CAMK2D: variants seen among roughly 807,000 people sequenced by gnomAD.
CAMK2D encodes the protein calcium/calmodulin dependent protein kinase II delta, also known as calcium/calmodulin-dependent protein kinase type II subunit delta.
In CAMK2D, 37 loss-of-function variants were observed where a neutral mutation model predicts 84.0. The ratio of observed to expected loss-of-function variants is 0.44; its 90% CI spans 0.34 to 0.58. The LOEUF (loss-of-function observed/expected upper bound fraction) is 0.58. Among genes scored for constraint, CAMK2D ranks in the 20% least tolerant of loss-of-function variants. The pLI, the probability that CAMK2D is intolerant of heterozygous loss-of-function variation, is 0.02. For synonymous variants in CAMK2D, 202 were observed against 212.5 expected, an observed-to-expected ratio of 0.95 and a Z score of 0.43; for missense variants, 448 against 652.5, an observed-to-expected ratio of 0.69 and a Z score of 3.41.
chr4:113,484,133 T>C (rs1010324939), intron 16 of CAMK2D, among the ~76,000 whole-genome samples: 2 of 152,154 alleles, frequency 1.3e-5, no homozygotes, highest in Non-Finnish European at 2.9e-5. Flanking sequence ...TATATACCCA[T>C]TCTATCCAAA....
chr4:113,691,307 T>C (rs2099386369), intron 2 of CAMK2D, among the ~76,000 whole-genome samples: 2 of 152,224 alleles, frequency 1.3e-5, no homozygotes, highest in South Asian at 4.1e-4. Flanking sequence ...CATGAAGGTA[T>C]ATACTTTAGA....
chr4:113,754,942 C>T, intron 2 of CAMK2D: 1 of 984,346 alleles, frequency 1.0e-6, no homozygotes, highest in Non-Finnish European at 1.2e-6. Flanking sequence ...TGCCAAGAAA[C>T]CTTCAAATTT....
chr4:113,675,185 C>T (rs1328701797), intron 2 of CAMK2D, among the ~76,000 whole-genome samples: 1 of 152,112 alleles, frequency 6.6e-6, no homozygotes, highest in African/African-American at 2.4e-5. Context: ...CATTGTAAAA[C>T]ATGATAGATT....
intron 2 of CAMK2D, among the ~76,000 whole-genome samples, chr4:113,752,288 T>A (rs1197091079): frequency 6.6e-6 from 1 of 151,860 alleles, no homozygotes; most frequent in Admixed American, 6.6e-5. Flanking sequence ...TCCTATGTAA[T>A]CAATGTAACT....
intron 14 of CAMK2D, chr4:113,503,431 G>A: frequency 5.6e-6 from 2 of 354,430 alleles, no homozygotes; most frequent in Non-Finnish European, 1.1e-5. Flanking sequence ...CGATTATGGT[G>A]TCATTAATTA....
At chr4:113,683,550 T>G (rs1248245237) in intron 2 of CAMK2D, among the ~76,000 whole-genome samples, 1 of 152,100 alleles carries the variant, frequency 6.6e-6, no homozygotes, top group Non-Finnish European at 1.5e-5. Flanking sequence ...GAAAATACAA[T>G]TTTACAACAA....
chr4:113,759,119 T>A (rs2099635118), intron 2 of CAMK2D: 1 of 339,028 alleles, frequency 2.9e-6, no homozygotes, highest in Non-Finnish European at 5.3e-6. Context: ...TAGCAATGTA[T>A]CAAATAATAA....
intron 2 of CAMK2D, among the ~76,000 whole-genome samples, chr4:113,757,839 G>A (rs976708068): frequency 5.9e-5 from 9 of 152,120 alleles, no homozygotes; most frequent in Non-Finnish European, 1.5e-5. Flanking sequence ...AAGTACATTT[G>A]TTATTCTGAT....
chr4:113,573,763 TC>T (rs1197470539), intron 4 of CAMK2D, among the ~76,000 whole-genome samples: 2 of 152,220 alleles, frequency 1.3e-5, no homozygotes, highest in African/African-American at 4.8e-5. Flanking sequence ...GAAGGCTTCC[TC>T]CTTGAAGATC....
intron 14 of CAMK2D, 113 bp downstream of exon 14, chr4:113,504,863 A>T (rs73841648): frequency 1.3e-4 from 50 of 391,848 alleles, no homozygotes; most frequent in African/African-American, 9.6e-4. Flanking sequence ...CCAACACCCA[A>T]CGAAATAAAA....
intron 10 of CAMK2D, 21 bp from the exon 11 acceptor site, chr4:113,513,934 GTAACT>G: frequency 8.1e-7 from 1 of 1,231,058 alleles, no homozygotes; most frequent in Non-Finnish European, 1.2e-6. Flanking sequence ...AGGAGAAAAA[GTAACT>G]TAATTGAGAA....
At chr4:113,743,635 T>G (rs73844671) in intron 2 of CAMK2D, among the ~76,000 whole-genome samples, 1,812 of 152,240 alleles carry the variant, frequency 0.012, 37 homozygotes, top group African/African-American at 0.041. Flanking sequence ...TCCCCAAGCT[T>G]ATCTCTTATT....
chr4:113,503,131 A>G (rs1023384801), intron 14 of CAMK2D, among the ~76,000 whole-genome samples, 154 bp from the exon 15 acceptor site: 1 of 152,182 alleles, frequency 6.6e-6, no homozygotes, highest in Non-Finnish European at 1.5e-5. Flanking sequence ...AGCTGACAAT[A>G]TCTCTGATGA....
Position 113,515,078 on chromosome 4 carries a change from T to C in CAMK2D, c.810A>G (p.Pro270=), listed in dbSNP as rs1244602816. The change falls in exon 10 of 21, where the codon CCA becomes CCG. Residue 270 remains proline (P), a synonymous_variant. Transcript: ENST00000511664. ...GAGAAGTTTTACTTACACAGATCCATGGGTGCTTCAGTGCCTCTGAGGCTG... is the reference window on the plus strand; with the variant it reads ...GAGAAGTTTTACTTACACAGATCCACGGGTGCTTCAGTGCCTCTGAGGCTG... ...RITASEALKH[P]WICQRSTVAS... The C allele has an allele frequency of 1.2e-6, 2 of 1,613,588 alleles. No individual in the cohort carries two copies. Among genetic ancestry groups the C allele is most frequent in the Admixed American group, 1.7e-5 (1 of 60,018 alleles).
intron 2 of CAMK2D, among the ~76,000 whole-genome samples, chr4:113,700,763 T>C (rs1045842106): frequency 2.0e-5 from 3 of 152,168 alleles, no homozygotes; most frequent in Non-Finnish European, 4.4e-5. Context: ...CTGGCAAGAA[T>C]AGGCTCAGCT....
At chr4:113,644,500 A>C (rs2099143854) in intron 3 of CAMK2D, among the ~76,000 whole-genome samples, 1 of 152,212 alleles carries the variant, frequency 6.6e-6, no homozygotes, top group South Asian at 2.1e-4. Context: ...AGATGAAGGC[A>C]CCAAGAGGTA....
intron 2 of CAMK2D, among the ~76,000 whole-genome samples, chr4:113,715,914 T>C (rs1253696158): frequency 1.3e-5 from 2 of 152,146 alleles, no homozygotes; most frequent in Admixed American, 6.5e-5. Flanking sequence ...ATTACTCCCA[T>C]TAGTTTCTCT....
At position 113,513,311 on chromosome 4, in the gene CAMK2D, G is replaced by A; in HGVS notation, c.946+17C>T. On this transcript the variant is annotated intron_variant, in intron 12 of 20. Transcript: ENST00000511664. Reference sequence around the variant, plus strand: ...AGAAGACCAAGGGATAAGAAGCAGAGTTCCCAATGCATGTACCTGAGAAAT... The same window carrying A: ...AGAAGACCAAGGGATAAGAAGCAGAATTCCCAATGCATGTACCTGAGAAAT... 2 of 1,612,394 alleles carry A rather than the reference G, an allele frequency of 1.2e-6. No homozygotes were observed. The highest frequency in any genetic ancestry group is 8.5e-7 in the Non-Finnish European group (1 of 1,178,606).
chr4:113,465,516 G>A lies in CAMK2D; in HGVS notation c.1211+13C>T, dbSNP rs575478363. 8 of 1,545,642 alleles carry A rather than the reference G, an allele frequency of 5.2e-6. No individual in the cohort carries two copies. Among genetic ancestry groups the A allele is most frequent in the South Asian group, 4.6e-5 (4 of 87,436 alleles). On this transcript the variant is annotated intron_variant, in intron 17 of 20. Transcript: ENST00000511664. Reference sequence around the variant, plus strand: ...CCATATGCATGAAAGCAAAGTAAACGTCCGCTACTCACGTGTAGGCTTCAA... The same window carrying A: ...CCATATGCATGAAAGCAAAGTAAACATCCGCTACTCACGTGTAGGCTTCAA...
Sources: allele counts gnomAD v4.1 joint callset (sites outside exome capture counted in the v4.1 genomes callset), GRCh38; gene constraint gnomAD v4.1.1; transcripts MANE v1.5; gene names NCBI Gene and HGNC (gene_info 2026-07-23, HGNC 2026-07-21).